The following NCOR1 variants were observed in gnomAD, a reference collection of about 807,000 sequenced individuals.
NCOR1 encodes the protein nuclear receptor corepressor 1, also known as protein phosphatase 1, regulatory subunit 109.
NCOR1 carries 63 observed loss-of-function variants against 288.1 expected under a neutral mutation model. That is an observed-to-expected ratio of 0.22 (90% confidence interval 0.18 to 0.27). NCOR1 has a LOEUF of 0.27. Among genes scored for constraint, NCOR1 ranks in the 10% least tolerant of loss-of-function variants. The pLI, the probability that NCOR1 is intolerant of heterozygous loss-of-function variation, is 1.00. For missense variants in NCOR1, 2,397 were observed against 3,019.2 expected (o/e 0.79, Z 4.83); for synonymous variants, 1,007 against 1,065.9 (o/e 0.94, Z 1.08).
intron 1 of NCOR1, among the ~76,000 whole-genome samples, chr17:16,213,468 GGTGA>G: frequency 8.1e-6 from 1 of 124,170 alleles, no homozygotes; most frequent in East Asian, 2.1e-4. Flanking sequence ...CTCCAGCCTG[GGTGA>G]CAGAGCAAGA....
At chr17:16,144,793 GTCTCCCCTCTACCTCTCTCCT>G (rs1308507180) in intron 10 of NCOR1, among the ~76,000 whole-genome samples, 2 of 146,748 alleles carry the variant, frequency 1.4e-5, no homozygotes, top group Admixed American at 1.4e-4. Context: ...GCTTTCCACG[GTCTCCCCTCTACCTCTCTCCT>G]TCTCCCGCTT....
At chr17:16,194,340 C>A in intron 2 of NCOR1, 122 bp downstream of exon 2, 4 of 536,440 alleles carry the variant, frequency 7.5e-6, no homozygotes, top group East Asian at 6.1e-5. Context: ...TTGTAAATAG[C>A]TCTTGCAACT....
intron 20 of NCOR1, 90 bp downstream of exon 20, chr17:16,101,160 T>C (rs1362026629): frequency 1.5e-6 from 2 of 1,333,894 alleles, no homozygotes; most frequent in African/African-American, 2.9e-5. Context: ...AATATTTACA[T>C]AGGAGACATG....
chr17:16,035,328 A>C (rs1296987153), intron 44 of NCOR1, among the ~76,000 whole-genome samples: 3 of 152,140 alleles, frequency 2.0e-5, no homozygotes, highest in Non-Finnish European at 2.9e-5. Flanking sequence ...CTTCTTTATT[A>C]ACTGGGTTTA....
chr17:16,104,269 C>G (rs765045083), intron 19 of NCOR1, among the ~76,000 whole-genome samples: 2 of 151,486 alleles, frequency 1.3e-5, no homozygotes, highest in East Asian at 1.9e-4. Context: ...CCTAAGTAAC[C>G]GTCTGGGAAA....
intron 1 of NCOR1, among the ~76,000 whole-genome samples, chr17:16,201,172 G>C (rs2090753006): frequency 6.6e-6 from 1 of 152,176 alleles, no homozygotes; most frequent in South Asian, 2.1e-4. Context: ...CTTACTTAAA[G>C]ACAGAGAAAC....
At chr17:16,088,240 T>A (rs1020698738) in intron 22 of NCOR1, among the ~76,000 whole-genome samples, 12 of 152,166 alleles carry the variant, frequency 7.9e-5, no homozygotes, top group African/African-American at 2.9e-4. Context: ...AATTTATGAA[T>A]AAACAGGTGA....
At chr17:16,197,601 T>C (rs920798740) in intron 1 of NCOR1, among the ~76,000 whole-genome samples, 7 of 152,146 alleles carry the variant, frequency 4.6e-5, no homozygotes, top group Admixed American at 3.9e-4. Context: ...AAGTCAATAA[T>C]TCCTCTAATA....
intron 4 of NCOR1, among the ~76,000 whole-genome samples, chr17:16,169,268 A>C (rs948888042): frequency 5.1e-4 from 78 of 152,158 alleles, no homozygotes; most frequent in Non-Finnish European, 7.9e-4. Context: ...AGCAGCAAAA[A>C]AACAACAACA....
At chr17:16,146,999 C>T (rs950019941) in intron 9 of NCOR1, among the ~76,000 whole-genome samples, 20 of 152,112 alleles carry the variant, frequency 1.3e-4, no homozygotes, top group Admixed American at 2.6e-4. Context: ...ACGCTTTAAC[C>T]GATCTATTAT....
intron 42 of NCOR1, 25 bp downstream of exon 42, chr17:16,046,926 G>A: frequency 1.9e-6 from 3 of 1,610,338 alleles, no homozygotes; most frequent in South Asian, 1.1e-5. Context: ...TTTTATTTGG[G>A]GTTCATGAAA....
chr17:16,150,527 T>A (rs1199535783), intron 8 of NCOR1, among the ~76,000 whole-genome samples: 1 of 152,130 alleles, frequency 6.6e-6, no homozygotes, highest in Non-Finnish European at 1.5e-5. Flanking sequence ...ACAAATACAA[T>A]CTTAAATGTT....
At chr17:16,154,079 C>A (rs61616678) in intron 6 of NCOR1, among the ~76,000 whole-genome samples, 3,312 of 138,068 alleles carry the variant, frequency 0.024, 134 homozygotes, top group African/African-American at 0.085. Flanking sequence ...CAGGCTGGGA[C>A]ACAATGGCAC....
At chr17:16,044,366 A>C in intron 42 of NCOR1, 1 of 470,728 alleles carries the variant, frequency 2.1e-6, no homozygotes, top group South Asian at 1.6e-5. Flanking sequence ...TTTATTAATC[A>C]CAAGAGTGAC....
At chr17:16,032,949 A>G (rs527293998) in intron 45 of NCOR1, among the ~76,000 whole-genome samples, 3 of 152,216 alleles carry the variant, frequency 2.0e-5, no homozygotes, top group Admixed American at 6.5e-5. Context: ...GGCAGATTTT[A>G]AAGTCTACAA....
At position 16,104,318 on chromosome 17, in the gene NCOR1, TA is replaced by T. The variant is rs572819484; in HGVS notation, c.2183-2562del. Among the ~76,000 whole-genome samples, 633 of 152,118 alleles carry T rather than the reference TA, an allele frequency of 4.2e-3. 1 individual carries two copies. The highest frequency in any genetic ancestry group is 6.5e-3 in the Non-Finnish European group (445 of 67,976). Reference sequence around the variant, plus strand: ...TAATTGTATATAATAGACAGCAATATAAAAAAAACTTCTACAAATTCATCCT... The same window carrying T: ...TAATTGTATATAATAGACAGCAATATAAAAAAACTTCTACAAATTCATCCT... On this transcript the variant is annotated intron_variant, in intron 19 of 45. Transcript: ENST00000268712.
At chr17:16,059,334 A>G (rs1357445685) in intron 37 of NCOR1, among the ~76,000 whole-genome samples, 1 of 152,202 alleles carries the variant, frequency 6.6e-6, no homozygotes, top group Non-Finnish European at 1.5e-5. Context: ...TGGATTATAT[A>G]ACACTATATA....
intron 17 of NCOR1, 137 bp downstream of exon 17, chr17:16,119,286 A>G: frequency 1.8e-6 from 1 of 564,380 alleles, no homozygotes. Flanking sequence ...AAGAACTCTT[A>G]AAGTCACTTC....
rs535019433 is a variant in NCOR1, at chr17:16,127,139, ATGTATGTATATATC to A, written c.1510-947_1510-934del. Among the ~76,000 whole-genome samples the A allele has an allele frequency of 4.5e-4, 57 of 127,736 alleles. 2 individuals carry two copies. Among genetic ancestry groups the A allele is most frequent in the African/African-American group, 1.9e-3 (51 of 27,566 alleles). The allele number at this position is 127,736 out of a possible 152,430, so 83.8% of individuals were successfully genotyped here. A position where few individuals can be genotyped will look rare whatever the true frequency, so the allele number is the denominator to read the frequency against. ...TGTATATATCTGTATGTATATATAC[ATGTATGTATATATC>A]TGTATGTATATATACATGTATGTAT... On this transcript the variant is annotated intron_variant, in intron 14 of 45. Coordinates refer to ENST00000268712, the MANE Select transcript of NCOR1 (RefSeq NM_006311.4).
Sources: allele counts gnomAD v4.1 joint callset (sites outside exome capture counted in the v4.1 genomes callset), GRCh38; gene constraint gnomAD v4.1.1; transcripts MANE v1.5; gene names NCBI Gene and HGNC (gene_info 2026-07-23, HGNC 2026-07-21).